The following MCCD1 variants were observed in gnomAD, a reference collection of about 807,000 sequenced individuals.
MCCD1 encodes mitochondrial coiled-coil domain protein 1.
A neutral mutation model predicts 5.6 loss-of-function variants in MCCD1; 5 were observed. The observed-to-expected ratio is 0.89, with a 90% CI of 0.46 to 1.87. MCCD1 has a LOEUF of 1.87. Ranked by LOEUF, MCCD1 falls within the 40% of genes most tolerant of loss-of-function variation. The pLI, the probability that MCCD1 is intolerant of heterozygous loss-of-function variation, is 0.01. For synonymous variants in MCCD1, 70 were observed against 57.3 expected (o/e 1.22, Z -1.00); for missense variants, 178 against 141.8 (o/e 1.26, Z -1.30).
In MCCD1 at chr6:31,530,226, T is replaced by A; in HGVS notation, c.*291T>A. On this transcript the variant is annotated 3_prime_UTR_variant, in exon 2 of 2. Transcript: ENST00000376191. This position sits in a 1 kb window ranked among gnomAD's most constrained non-coding sequence, Gnocchi z 4.5. ...AATAAAGGGACGAAGCACTTATAGA[T>A]ACCACAGACACATGTGTTTCATTTT... is the stretch of plus-strand genomic sequence containing the variant. 1 of 768,004 alleles carries A rather than the reference T, an allele frequency of 1.3e-6. No individual in the cohort carries two copies. The highest frequency in any genetic ancestry group is 2.1e-6 in the Non-Finnish European group (1 of 482,118). The allele number at this position is 768,004 out of a possible 1,614,324, so 47.6% of individuals were successfully genotyped here. A position where few individuals can be genotyped will look rare whatever the true frequency, so the allele number is the denominator to read the frequency against.
At chr6:31,529,324 C>A in intron 1 of MCCD1, 139 bp downstream of exon 1, 1 of 934,150 alleles carries the variant, frequency 1.1e-6, no homozygotes, top group South Asian at 1.8e-5. Flanking sequence ...GCTACCAACT[C>A]CTCTCCCCAC....
rs987892826 is a variant in MCCD1, at chr6:31,530,222, T to C, written c.*287T>C. On this transcript the variant is annotated 3_prime_UTR_variant, in exon 2 of 2. Coordinates refer to ENST00000376191, the MANE Select transcript of MCCD1 (RefSeq NM_001011700.3). This position sits in a 1 kb window ranked among gnomAD's most constrained non-coding sequence, Gnocchi z 4.5. Reference sequence around the variant, plus strand: ...ATACAATAAAGGGACGAAGCACTTATAGATACCACAGACACATGTGTTTCA... The same window carrying C: ...ATACAATAAAGGGACGAAGCACTTACAGATACCACAGACACATGTGTTTCA... 7 of 770,332 alleles carry C rather than the reference T, an allele frequency of 9.1e-6. No homozygotes were observed. The highest frequency in any genetic ancestry group is 3.9e-4 in the Middle Eastern group (1 of 2,596). The allele number at this position is 770,332 out of a possible 1,614,324, so 47.7% of individuals were successfully genotyped here.
chr6:31,529,864 C>T lies in MCCD1; in HGVS notation c.289C>T (p.Leu97=). 1.3e-6 allele frequency: 2 copies of T among 1,576,642 alleles called. No homozygotes were observed. Among genetic ancestry groups the T allele is most frequent in the Non-Finnish European group, 1.7e-6 (2 of 1,162,772 alleles). ...GQEGAWEAQA[L]VLKIQKLKEQ... is the part of the protein sequence containing the mutation. ...GGAGGGAGCCTGGGAGGCCCAAGCC[C>T]TGGTGCTCAAGATCCAGAAGCTGAA... Residue 97 remains leucine (L), a synonymous_variant, in exon 2 of 2, where the codon CTG becomes TTG. Coordinates refer to ENST00000376191, the MANE Select transcript of MCCD1 (RefSeq NM_001011700.3).
chr6:31,529,689 TC>T, intron 1 of MCCD1, 57 bp from the exon 2 acceptor site: 1 of 1,387,704 alleles, frequency 7.2e-7, no homozygotes, highest in South Asian at 1.8e-5. Flanking sequence ...CAACAAAGCT[TC>T]CCAGGGCCTC....
intron 1 of MCCD1, 55 bp downstream of exon 1, chr6:31,529,240 G>A: frequency 6.4e-7 from 1 of 1,560,962 alleles, no homozygotes; most frequent in Admixed American, 1.9e-5. Context: ...CTGGGGTGTG[G>A]GAAAAAAAAA....
At chr6:31,529,263 C>A in intron 1 of MCCD1, 78 bp downstream of exon 1, 1 of 1,416,582 alleles carries the variant, frequency 7.1e-7, no homozygotes, top group Non-Finnish European at 9.7e-7. Context: ...CTCAATCCCA[C>A]CCTGCACCAC....
chr6:31,530,060 G>A lies in MCCD1; in HGVS notation c.*125G>A, dbSNP rs543614501. 1,066 of 1,409,470 alleles carry A rather than the reference G, an allele frequency of 7.6e-4. No homozygotes were observed. The highest frequency in any genetic ancestry group is 9.4e-4 in the Non-Finnish European group (1,008 of 1,075,930). The allele number at this position is 1,409,470 out of a possible 1,614,324, so 87.3% of individuals were successfully genotyped here. Reference sequence around the variant, plus strand: ...GAGAAAGTGGAAGAGACCACAAAGCGCAGGCAATTGGCAGGCAGTGGGGGA... The same window carrying A: ...GAGAAAGTGGAAGAGACCACAAAGCACAGGCAATTGGCAGGCAGTGGGGGA... On this transcript the variant is annotated 3_prime_UTR_variant, in exon 2 of 2. Transcript: ENST00000376191. This position sits in a 1 kb window ranked among gnomAD's most constrained non-coding sequence, Gnocchi z 4.5.
chr6:31,529,285 C>T, intron 1 of MCCD1, 100 bp downstream of exon 1: 1 of 1,229,260 alleles, frequency 8.1e-7, no homozygotes, highest in Non-Finnish European at 1.1e-6. Context: ...CCACACCATG[C>T]CTACCCCTGC....
At position 31,529,938 on chromosome 6, in the gene MCCD1, T is replaced by G; in HGVS notation, c.*3T>G. ...AGAGCCTTGGAGGAGGCGCCTAAGT[T>G]TCCCCCAGTGCCCACAGCACCCTCC... On this transcript the variant is annotated 3_prime_UTR_variant, in exon 2 of 2. Transcript: ENST00000376191. The G allele has an allele frequency of 6.7e-7, 1 of 1,500,518 alleles. No individual in the cohort carries two copies. 93.0% of individuals were successfully genotyped at this position (1,500,518 alleles called of 1,614,324 possible). A position where few individuals can be genotyped will look rare whatever the true frequency, so the allele number is the denominator to read the frequency against.
In MCCD1 at chr6:31,530,174, G is replaced by T. The variant is rs1766992109; in HGVS notation, c.*239G>T. The T allele has an allele frequency of 1.2e-6, 1 of 865,006 alleles. No homozygotes were observed. The highest frequency in any genetic ancestry group is 1.7e-6 in the Non-Finnish European group (1 of 582,200). 53.6% of individuals were successfully genotyped at this position (865,006 alleles called of 1,614,324 possible). A position where few individuals can be genotyped will look rare whatever the true frequency, so the allele number is the denominator to read the frequency against. On this transcript the variant is annotated 3_prime_UTR_variant, in exon 2 of 2. Transcript: ENST00000376191. This position sits in a 1 kb window ranked among gnomAD's most constrained non-coding sequence, Gnocchi z 4.5. ...CTTATAGGAATTCACCCTGGACCAT[G>T]CCCTAAAATAACCTCACCCCAAATA...
intron 1 of MCCD1, 34 bp from the exon 2 acceptor site, chr6:31,529,713 T>C: frequency 2.1e-6 from 3 of 1,428,040 alleles, no homozygotes; most frequent in South Asian, 1.6e-5. Context: ...CCCCCTGCCC[T>C]GGCTGATGCT....
rs201359062 is a variant in MCCD1 at position 31,528,975 on chromosome 6, C to T, written c.-40C>T. 700 of 1,592,100 alleles carry T rather than the reference C, an allele frequency of 4.4e-4. No individual in the cohort carries two copies. Among genetic ancestry groups the T allele is most frequent in the Admixed American group, 1.2e-3 (68 of 58,572 alleles). Reference sequence around the variant, plus strand: ...CTGGAGCGAACCAGTTCCTGGTGGCCGTTGGACAGCTCACACAGCTCCCTG... The same window carrying T: ...CTGGAGCGAACCAGTTCCTGGTGGCTGTTGGACAGCTCACACAGCTCCCTG... On this transcript the variant is annotated 5_prime_UTR_variant, in exon 1 of 2. Coordinates refer to ENST00000376191, the MANE Select transcript of MCCD1 (RefSeq NM_001011700.3).
rs747243596 is a variant in MCCD1, at chr6:31,529,915, A to C, written c.340A>C (p.Ser114Arg). 2.1e-5 allele frequency: 33 copies of C among 1,537,214 alleles called. No homozygotes were observed. The highest frequency in any genetic ancestry group is 2.6e-5 in the Non-Finnish European group (30 of 1,139,286). ...GGAACAGATGAGGAGGCACCAAGAG[A>C]GCCTTGGAGGAGGCGCCTAAGTTTC... Reference protein sequence around the residue: ...LKEQMRRHQESLGGGA With the variant: ...LKEQMRRHQERLGGGA Residue 114 changes from serine to arginine, a missense_variant, in exon 2 of 2, where the codon AGC (serine) becomes CGC (arginine). Transcript: ENST00000376191.
intron 1 of MCCD1, 133 bp from the exon 2 acceptor site, chr6:31,529,614 T>G (rs1766902944): frequency 1.8e-6 from 2 of 1,133,772 alleles, no homozygotes; most frequent in Non-Finnish European, 1.2e-6. Flanking sequence ...AGTACAGGTG[T>G]CCTTAAACGA....
intron 1 of MCCD1, 119 bp downstream of exon 1, chr6:31,529,304 T>C (rs542729410): frequency 2.6e-6 from 3 of 1,144,534 alleles, no homozygotes; most frequent in African/African-American, 3.1e-5. Context: ...GCAGCTCTTT[T>C]CTTAGTTCAG....
In MCCD1 at chr6:31,529,043, G is replaced by C. The variant is rs774776866; in HGVS notation, c.29G>C (p.Arg10Pro). ...GTCCTCCCTCTGCCCTGGCTCTCTC[G>C]GTACCATTTCCTTCGCCTCCTTCTG... MVLPLPWLS[R>P]YHFLRLLLPS... The change falls in exon 1 of 2, where the codon CGG becomes CCG. Residue 10 changes from arginine (R) to proline (P), a missense_variant. By Grantham distance (103) the Arg-to-Pro change is moderately radical (BLOSUM62 -2). Coordinates refer to ENST00000376191, the MANE Select transcript of MCCD1 (RefSeq NM_001011700.3). 6 of 1,611,840 alleles carry C rather than the reference G, an allele frequency of 3.7e-6. No individual in the cohort carries two copies. The highest frequency in any genetic ancestry group is 5.1e-6 in the Non-Finnish European group (6 of 1,179,546).
chr6:31,529,292 CT>C (rs1429003083), intron 1 of MCCD1, 107 bp downstream of exon 1: 1 of 1,193,344 alleles, frequency 8.4e-7, no homozygotes, highest in Non-Finnish European at 1.2e-6. Context: ...ATGCCTACCC[CT>C]GCAGCTCTTT....
At position 31,529,014 on chromosome 6, in the gene MCCD1, C is replaced by G. The variant is rs2516480; in HGVS notation, c.-1C>G. 0.12 allele frequency: 200,761 copies of G among 1,610,546 alleles called. 13,126 individuals are homozygous for G. Among genetic ancestry groups the G allele is most frequent in the Non-Finnish European group, 0.13 (156,957 of 1,178,272 alleles). On this transcript the variant is annotated 5_prime_UTR_variant, in exon 1 of 2. Transcript: ENST00000376191. ...CACAGCTCCCTGCCAGGTCACCCGC[C>G]ATGGTCCTCCCTCTGCCCTGGCTCT...
At position 31,530,014 on chromosome 6, in the gene MCCD1, C is replaced by T; in HGVS notation, c.*79C>T. The T allele has an allele frequency of 1.4e-6, 2 of 1,429,100 alleles. No individual in the cohort carries two copies. Among genetic ancestry groups the T allele is most frequent in the East Asian group, 5.2e-5 (2 of 38,262 alleles). 88.5% of individuals were successfully genotyped at this position (1,429,100 alleles called of 1,614,324 possible). ...ACCAGGAGCCTTGGGATCATAAACA[C>T]CCCAGCGTCTTCCCAGGCCAGAGAA... On this transcript the variant is annotated 3_prime_UTR_variant, in exon 2 of 2. Transcript: ENST00000376191. The surrounding 1 kb of genome is among the most constrained non-coding windows in gnomAD (Gnocchi z 4.5).
Sources: gnomAD v4.1 joint callset for allele counts on GRCh38, gnomAD v4.1.1 for gene constraint, Gnocchi (gnomAD v3.1) non-coding constraint, MANE v1.5 for transcripts, NCBI Gene and HGNC (gene_info 2026-07-23, HGNC 2026-07-21) for gene names.